Variants in FAM131B observed in about 807,000 individuals in gnomAD.
FAM131B encodes the protein protein FAM131B.
FAM131B carries 19 observed loss-of-function variants against 42.0 expected under a neutral mutation model. That is an observed-to-expected ratio of 0.45 (90% CI 0.32 to 0.66). The LOEUF is 0.66. Among genes scored for constraint, FAM131B ranks in the 30% least tolerant of loss-of-function variants. The probability of loss-of-function intolerance (pLI) is 0.05; values close to 1 mark genes in which losing one functional copy is unlikely to be tolerated. For synonymous variants in FAM131B, 183 were observed against 177.6 expected, an observed-to-expected ratio of 1.03 and a Z score of -0.24; for missense variants, 370 against 468.4, an observed-to-expected ratio of 0.79 and a Z score of 1.94.
intron 5 of FAM131B, 82 bp from the exon 6 acceptor site, chr7:143,357,505 A>G: frequency 8.4e-7 from 1 of 1,183,498 alleles, no homozygotes; most frequent in Non-Finnish European, 1.2e-6. Flanking sequence ...ATCTTAGTGC[A>G]GCACTGTTCA....
upstream of FAM131B, among the ~76,000 whole-genome samples, chr7:143,367,739 G>A (rs769726789): frequency 5.9e-5 from 9 of 151,938 alleles, no homozygotes; most frequent in Non-Finnish European, 1.3e-4. Flanking sequence ...TATCGGCATG[G>A]GCAAACGTGG....
Position 143,354,397 on chromosome 7 carries a change from C to A in FAM131B, c.*2153G>T, listed in dbSNP as rs1012807771. 1 of 152,268 alleles carries A rather than the reference C, an allele frequency of 6.6e-6. No individual in the cohort carries two copies. Among genetic ancestry groups the A allele is most frequent in the African/African-American group, 2.4e-5 (1 of 41,448 alleles). 9.4% of individuals were successfully genotyped at this position (152,268 alleles called of 1,614,324 possible). ...TGAATGAACGCACTCACTAGGTGAG[C>A]TGTCCACCGTGGTCTGGGGGTATGA... On this transcript the variant is annotated 3_prime_UTR_variant, in exon 7 of 7. Transcript: ENST00000443739.
At chr7:143,357,467 C>T in intron 5 of FAM131B, 44 bp from the exon 6 acceptor site, 1 of 1,574,794 alleles carries the variant, frequency 6.4e-7, no homozygotes, top group East Asian at 2.2e-5. Flanking sequence ...TCAGGGAATC[C>T]TTAGACATGT....
Position 143,356,859 on chromosome 7 carries a change from G to C in FAM131B, c.774C>G (p.Pro258=). The change falls in exon 7 of 7, where the codon CCC becomes CCG. Residue 258 remains proline, a synonymous_variant. Coordinates refer to ENST00000443739, the MANE Select transcript of FAM131B (RefSeq NM_001031690.3). The surrounding 1 kb of genome is among the most constrained non-coding windows in gnomAD (Gnocchi z 4.4). ...YLGPAFDDSQ[P]SLHEMGPSQP... is the part of the protein sequence containing the mutation. ...GGGAAGGTCCCATTTCATGCAAGCTGGGTTGTGAGTCATCAAATGCAGGCC... is the reference window on the plus strand; with the variant it reads ...GGGAAGGTCCCATTTCATGCAAGCTCGGTTGTGAGTCATCAAATGCAGGCC... 1 of 1,614,134 alleles carries C rather than the reference G, an allele frequency of 6.2e-7. No homozygotes were observed. Among genetic ancestry groups the C allele is most frequent in the Non-Finnish European group, 8.5e-7 (1 of 1,180,028 alleles).
the FAM131B span, chr7:143,381,009 C>A: frequency 3.6e-6 from 1 of 274,276 alleles, no homozygotes; most frequent in Non-Finnish European, 5.6e-6. Flanking sequence ...CTCGGGCACC[C>A]GCGGGTCGGG....
At chr7:143,381,344 C>A in the FAM131B span, 3 of 1,147,000 alleles carry the variant, frequency 2.6e-6, no homozygotes, top group Non-Finnish European at 3.2e-6. Context: ...CGGACCGGGA[C>A]GCAGAGTCTG....
the FAM131B span, among the ~76,000 whole-genome samples, chr7:143,377,033 G>A: frequency 1.3e-5 from 2 of 152,098 alleles, no homozygotes; most frequent in Admixed American, 1.3e-4. Flanking sequence ...GCAGTGGCAC[G>A]ATCTCGATCT....
the FAM131B span, chr7:143,382,042 A>G: frequency 3.3e-6 from 2 of 604,344 alleles, no homozygotes; most frequent in Admixed American, 3.2e-5. Context: ...TCCGAAGTGT[A>G]ACGGGAGCTG....
upstream of FAM131B, among the ~76,000 whole-genome samples, chr7:143,366,247 C>A (rs184694647): frequency 4.1e-3 from 622 of 152,308 alleles, 8 homozygotes; most frequent in Non-Finnish European, 5.0e-3. Context: ...CATCTATCTA[C>A]ATTTCTAAAT....
intron 1 of FAM131B, chr7:143,361,927 CAG>C: frequency 2.0e-6 from 1 of 502,400 alleles, no homozygotes; most frequent in Non-Finnish European, 2.6e-6. Flanking sequence ...CCGCGTCCCC[CAG>C]CCCCTTCCCT....
At chr7:143,369,349 A>G in the FAM131B span, among the ~76,000 whole-genome samples, 1 of 151,988 alleles carries the variant, frequency 6.6e-6, no homozygotes, top group African/African-American at 2.4e-5. Flanking sequence ...GCTTATGGAG[A>G]CTGTTCAACT....
the FAM131B span, among the ~76,000 whole-genome samples, chr7:143,372,665 A>G: frequency 6.6e-6 from 1 of 152,254 alleles, no homozygotes; most frequent in Admixed American, 6.5e-5. Flanking sequence ...ATACCTCATT[A>G]ATAATTTTTA....
the FAM131B span, among the ~76,000 whole-genome samples, chr7:143,369,804 G>A: frequency 2.0e-5 from 3 of 152,070 alleles, no homozygotes; most frequent in Non-Finnish European, 4.4e-5. Flanking sequence ...TTTAAGAATG[G>A]GTACTTAATC....
rs41277419 is a variant in FAM131B, at chr7:143,359,809, G to A, written c.139-42C>T. On this transcript the variant is annotated intron_variant, in intron 2 of 6. Transcript: ENST00000443739. This position sits in a 1 kb window ranked among gnomAD's most constrained non-coding sequence, Gnocchi z 5.4. ...AAGGGAATGGGCATCCCAGTCACTC[G>A]CAGGAATGCAAGGAAGCCCCCTTCC... is the stretch of plus-strand genomic sequence containing the variant. 0.033 allele frequency: 51,554 copies of A among 1,539,684 alleles called. 984 individuals are homozygous for A. The highest frequency in any genetic ancestry group is 0.039 in the Non-Finnish European group (44,769 of 1,136,556).
rs1284860482 is a variant in FAM131B at position 143,362,364 on chromosome 7, C to G, written c.28+212G>C. ...GGGCGACGGGGAGAAGGAAGCGAGC[C>G]GAGCGGGATGGCAGCCCCGGAGGCG... On this transcript the variant is annotated intron_variant, in intron 1 of 6. Coordinates refer to ENST00000443739, the MANE Select transcript of FAM131B (RefSeq NM_001031690.3). The surrounding 1 kb of genome is among the most constrained non-coding windows in gnomAD (Gnocchi z 7.7). 6.6e-6 allele frequency among the ~76,000 whole-genome samples: 1 copy of G among 152,082 alleles called. No homozygotes were observed. Among genetic ancestry groups the G allele is most frequent in the Non-Finnish European group, 1.5e-5 (1 of 68,004 alleles).
upstream of FAM131B, among the ~76,000 whole-genome samples, chr7:143,367,432 C>T (rs1804205195): frequency 6.6e-6 from 1 of 152,110 alleles, no homozygotes; most frequent in Admixed American, 6.5e-5. Flanking sequence ...TATCTCTGGG[C>T]ACGGTGGCCC....
chr7:143,356,507 G>A lies in FAM131B; in HGVS notation c.*43C>T, dbSNP rs754621984. ...GAGGGAGGGTATGGGTCACAGCCAT[G>A]GCCCTCAGGTGGGAGTGGAAGGCAG... is the stretch of plus-strand genomic sequence containing the variant. On this transcript the variant is annotated 3_prime_UTR_variant, in exon 7 of 7. Transcript: ENST00000443739. This position sits in a 1 kb window ranked among gnomAD's most constrained non-coding sequence, Gnocchi z 4.4. 2.8e-6 allele frequency: 4 copies of A among 1,441,008 alleles called. No homozygotes were observed. Among genetic ancestry groups the A allele is most frequent in the South Asian group, 2.4e-5 (2 of 84,256 alleles). 89.3% of individuals were successfully genotyped at this position (1,441,008 alleles called of 1,614,324 possible).
intron 1 of FAM131B, 27 bp from the exon 2 acceptor site, chr7:143,360,176 G>GGCCCTC: frequency 6.3e-7 from 1 of 1,579,202 alleles, no homozygotes. Flanking sequence ...GTTAGCCGCC[G>GGCCCTC]GCCCTCACCT....
Position 143,358,905 on chromosome 7 carries a change from T to C in FAM131B, c.388A>G (p.Ser130Gly), listed in dbSNP as rs1282135421. The change falls in exon 5 of 7, where the codon AGC becomes GGC. Residue 130 changes from serine (S) to glycine (G), a missense_variant. Physicochemically the swap from Ser to Gly is moderately conservative, Grantham distance 56 (BLOSUM62 0). Coordinates refer to ENST00000443739, the MANE Select transcript of FAM131B (RefSeq NM_001031690.3). This position sits in a 1 kb window ranked among gnomAD's most constrained non-coding sequence, Gnocchi z 4.7. ...GKTPAVQPQH[S>G]HESVRRDTDA... ...GTATCCCTGCGCACGGACTCATGGCTGTGTTGTGGCTGAACAGCTGGTGTC... is the reference window on the plus strand; with the variant it reads ...GTATCCCTGCGCACGGACTCATGGCCGTGTTGTGGCTGAACAGCTGGTGTC... 1.2e-5 allele frequency: 19 copies of C among 1,614,148 alleles called. No homozygotes were observed. In the East Asian group the frequency reaches 2.9e-4, roughly 25 times the overall value.
Sources: allele counts gnomAD v4.1 joint callset (sites outside exome capture counted in the v4.1 genomes callset), GRCh38; gene constraint gnomAD v4.1.1; non-coding constraint Gnocchi (gnomAD v3.1); transcripts MANE v1.5; gene names NCBI Gene and HGNC (gene_info 2026-07-23, HGNC 2026-07-21).